PCDH9: variants seen among roughly 807,000 people sequenced by gnomAD.
PCDH9 encodes protocadherin-9.
In PCDH9, 24 loss-of-function variants were observed where a neutral mutation model predicts 70.6. The ratio of observed to expected loss-of-function variants is 0.34; its 90% confidence interval spans 0.25 to 0.48. The LOEUF (loss-of-function observed/expected upper bound fraction) is 0.48, where lower values mean the gene tolerates loss of function less well. Ranked by LOEUF, PCDH9 falls within the 20% of genes least tolerant of loss-of-function variation. The probability of loss-of-function intolerance (pLI) is 0.99; values close to 1 mark genes in which losing one functional copy is unlikely to be tolerated. For missense variants in PCDH9, 1,281 were observed against 1,503.6 expected, an observed-to-expected ratio of 0.85 and a Z score of 2.45; for synonymous variants, 562 against 558.5, an observed-to-expected ratio of 1.01 and a Z score of -0.09.
At chr13:66,504,887 T>A (rs1959195928) in intron 4 of PCDH9, among the ~76,000 whole-genome samples, 1 of 152,160 alleles carries the variant, frequency 6.6e-6, no homozygotes, top group South Asian at 2.1e-4. Flanking sequence ...TCTTCACAAA[T>A]CACACTCCTC....
intron 4 of PCDH9, among the ~76,000 whole-genome samples, chr13:66,449,379 C>T (rs575763025): frequency 2.6e-4 from 40 of 152,202 alleles, no homozygotes; most frequent in African/African-American, 7.5e-4. Context: ...TTCCTGTCTG[C>T]CTTCTTTTCT....
rs528566845 is a variant in PCDH9, at chr13:66,561,336, C to A, written c.3340+69874G>T. The stretch of plus-strand genomic sequence containing the variant: ...TCTGTGGGCTCCTGTGCCGCCCGAG[C>A]CTCCCGGAGGAGTGCCGCCCCTTGC... On this transcript the variant is annotated intron_variant, in intron 4 of 4. Transcript: ENST00000377865. 5.1e-3 allele frequency among the ~76,000 whole-genome samples: 774 copies of A among 152,328 alleles called. 5 individuals are homozygous for A. The highest frequency in any genetic ancestry group is 0.01 in the Middle Eastern group (3 of 294).
intron 4 of PCDH9, among the ~76,000 whole-genome samples, chr13:66,540,450 C>A (rs1339219018): frequency 6.6e-6 from 1 of 152,022 alleles, no homozygotes; most frequent in South Asian, 2.1e-4. Flanking sequence ...TGCATGAACA[C>A]CATAAGCAGA....
chr13:67,018,142 T>A (rs1490278112), intron 2 of PCDH9, among the ~76,000 whole-genome samples: 1 of 152,212 alleles, frequency 6.6e-6, no homozygotes, highest in East Asian at 1.9e-4. Context: ...GAGTCTCAAA[T>A]TCATTCAGCA....
chr13:66,581,765 C>G (rs2138782875), intron 4 of PCDH9, among the ~76,000 whole-genome samples: 1 of 152,180 alleles, frequency 6.6e-6, no homozygotes, highest in South Asian at 2.1e-4. Flanking sequence ...ATGGCAGTCC[C>G]CATTTCTTTC....
chr13:66,986,016 A>G (rs2083884870), intron 2 of PCDH9, among the ~76,000 whole-genome samples: 1 of 152,038 alleles, frequency 6.6e-6, no homozygotes, highest in Non-Finnish European at 1.5e-5. Context: ...TCATGCTACT[A>G]TAAAGAGCTG....
intron 2 of PCDH9, among the ~76,000 whole-genome samples, chr13:67,163,086 G>A (rs1032513828): frequency 1.3e-5 from 2 of 152,094 alleles, no homozygotes; most frequent in Non-Finnish European, 2.9e-5. Context: ...CAGAGAAGTG[G>A]TCAACTCCAG....
At chr13:66,342,968 A>G (rs1956157316) in intron 4 of PCDH9, among the ~76,000 whole-genome samples, 1 of 151,746 alleles carries the variant, frequency 6.6e-6, no homozygotes, top group South Asian at 2.1e-4. Flanking sequence ...TCATTATTAG[A>G]CTCTACAACC....
chr13:66,551,737 T>G (rs1002826643), intron 4 of PCDH9, among the ~76,000 whole-genome samples: 18 of 152,120 alleles, frequency 1.2e-4, no homozygotes, highest in African/African-American at 4.1e-4. Flanking sequence ...TCAGTGTACA[T>G]TTGTAAATTA....
At chr13:66,321,495 G>A (rs914627072) in intron 4 of PCDH9, among the ~76,000 whole-genome samples, 1 of 151,806 alleles carries the variant, frequency 6.6e-6, no homozygotes, top group African/African-American at 2.4e-5. Context: ...TCGGTTGATG[G>A]TCCTCACTAC....
At chr13:67,180,808 C>T (rs1454789866) in intron 2 of PCDH9, among the ~76,000 whole-genome samples, 1 of 152,116 alleles carries the variant, frequency 6.6e-6, no homozygotes, top group East Asian at 1.9e-4. Flanking sequence ...TTTTCTTTGG[C>T]TTGTCTTGTT....
At position 66,694,860 on chromosome 13, in the gene PCDH9, A is replaced by G. The variant is rs1250635637; in HGVS notation, c.3139-63449T>C. On this transcript the variant is annotated intron_variant, in intron 3 of 4. Transcript: ENST00000377865. ...TCCTCAACAAGTATTTGCTGAATTA[A>G]ATAAATGAGCATTACTTTAAAAATG... Among the ~76,000 whole-genome samples, 3 of 152,004 alleles carry G rather than the reference A, an allele frequency of 2.0e-5. No homozygotes were observed. In the East Asian group the frequency reaches 5.8e-4, roughly 29 times the overall value.
intron 2 of PCDH9, among the ~76,000 whole-genome samples, chr13:67,067,767 G>A (rs1027614846): frequency 7.3e-6 from 1 of 136,588 alleles, no homozygotes; most frequent in Non-Finnish European, 1.6e-5. Context: ...TGATCATCGT[G>A]GGGAATAGCG....
At chr13:66,825,140 G>A (rs1425734953) in intron 3 of PCDH9, 1 of 151,512 alleles carries the variant, frequency 6.6e-6, no homozygotes, top group Non-Finnish European at 1.5e-5. Context: ...AGTGGTTCTA[G>A]AATGTTCTCA....
intron 3 of PCDH9, among the ~76,000 whole-genome samples, chr13:66,863,820 A>G (rs1399639755): frequency 6.6e-6 from 1 of 152,064 alleles, no homozygotes; most frequent in Non-Finnish European, 1.5e-5. Context: ...AAATTTTGGT[A>G]CTATAAGACA....
At position 66,903,503 on chromosome 13, in the gene PCDH9, C is replaced by T. The variant is rs1421839894; in HGVS notation, c.3138+1G>A. On this transcript the variant is annotated splice_donor_variant, in intron 3 of 4. Transcript: ENST00000377865. LOFTEE classifies it high-confidence loss of function. ...ATGTTCTCTATAGATATATGGCATACCTCGTAATGGCTTTCTTCATTCTCC... is the reference window on the plus strand; with the variant it reads ...ATGTTCTCTATAGATATATGGCATATCTCGTAATGGCTTTCTTCATTCTCC... The T allele has an allele frequency of 7.3e-7, 1 of 1,360,614 alleles. No individual in the cohort carries two copies. The highest frequency in any genetic ancestry group is 1.1e-6 in the Non-Finnish European group (1 of 951,964). The allele number at this position is 1,360,614 out of a possible 1,614,324, so 84.3% of individuals were successfully genotyped here.
chr13:67,163,511 T>G (rs937674474), intron 2 of PCDH9, among the ~76,000 whole-genome samples: 5 of 152,184 alleles, frequency 3.3e-5, no homozygotes, highest in African/African-American at 1.2e-4. Flanking sequence ...TATAATAAGG[T>G]CACATAAAAA....
At chr13:66,943,648 T>C (rs2083041617) in intron 2 of PCDH9, among the ~76,000 whole-genome samples, 1 of 152,094 alleles carries the variant, frequency 6.6e-6, no homozygotes, top group Admixed American at 6.6e-5. Context: ...TGGAGACTCC[T>C]GGAGATTGAT....
chr13:66,743,739 T>A (rs144841921), intron 3 of PCDH9, among the ~76,000 whole-genome samples: 2 of 152,270 alleles, frequency 1.3e-5, no homozygotes, highest in South Asian at 4.1e-4. Flanking sequence ...CAAAACACCA[T>A]GTTATATACC....
Sources: gnomAD v4.1 joint callset for allele counts (sites outside exome capture counted in the v4.1 genomes callset) on GRCh38, gnomAD v4.1.1 for gene constraint, MANE v1.5 for transcripts, NCBI Gene and HGNC (gene_info 2026-07-23, HGNC 2026-07-21) for gene names.